The following NTN4 variants were observed in gnomAD, a reference collection of about 807,000 sequenced individuals.
NTN4 encodes netrin-4.
NTN4 carries 32 observed loss-of-function variants against 73.6 expected under a neutral mutation model. The observed-to-expected ratio is 0.44, with a 90% CI of 0.33 to 0.58. NTN4 has a LOEUF of 0.58. Among genes scored for constraint, NTN4 ranks in the 20% least tolerant of loss-of-function variants. NTN4 has a pLI of 0.04. For synonymous variants in NTN4, 258 were observed against 287.5 expected, an observed-to-expected ratio of 0.90 and a Z score of 1.04; for missense variants, 654 against 798.3, an observed-to-expected ratio of 0.82 and a Z score of 2.18.
intron 5 of NTN4, among the ~76,000 whole-genome samples, chr12:95,698,822 A>T (rs1368623734): frequency 6.6e-6 from 1 of 151,968 alleles, no homozygotes; most frequent in Non-Finnish European, 1.5e-5. Flanking sequence ...ATGACACTGC[A>T]CTCCAGCCTG....
intron 3 of NTN4, 121 bp from the exon 4 acceptor site, chr12:95,713,459 G>T: frequency 8.8e-7 from 1 of 1,130,796 alleles, no homozygotes; most frequent in Non-Finnish European, 1.2e-6. Flanking sequence ...TCACTTTCCT[G>T]AAGAAGTTAG....
chr12:95,672,601 TA>T, intron 7 of NTN4: 1 of 1,528,002 alleles, frequency 6.5e-7, no homozygotes, highest in Non-Finnish European at 9.0e-7. Flanking sequence ...CCGATCTCGG[TA>T]AAGCAGAAAC....
chr12:95,723,053 A>G (rs1225351639), intron 3 of NTN4, among the ~76,000 whole-genome samples: 2 of 151,280 alleles, frequency 1.3e-5, no homozygotes, highest in African/African-American at 4.9e-5. Flanking sequence ...GCAAGTGAGC[A>G]GTACAGTTTA....
intron 9 of NTN4, 95 bp downstream of exon 9, chr12:95,665,715 C>A: frequency 1.1e-6 from 1 of 928,076 alleles, no homozygotes; most frequent in Non-Finnish European, 1.6e-6. Flanking sequence ...GATGTTCTTG[C>A]TGAGTTTGTT....
intron 2 of NTN4, among the ~76,000 whole-genome samples, chr12:95,757,072 A>G (rs1203708973): frequency 6.6e-6 from 1 of 152,040 alleles, no homozygotes; most frequent in East Asian, 1.9e-4. Flanking sequence ...AATTGCTTGT[A>G]TTTCTCTCTA....
intron 7 of NTN4, chr12:95,672,943 A>C: frequency 8.9e-7 from 1 of 1,122,468 alleles, no homozygotes; most frequent in Admixed American, 1.7e-5. Flanking sequence ...GCTGACTGGT[A>C]TTCCCATTGT....
At chr12:95,715,993 A>G (rs2078602221) in intron 3 of NTN4, among the ~76,000 whole-genome samples, 1 of 151,972 alleles carries the variant, frequency 6.6e-6, no homozygotes, top group Admixed American at 6.6e-5. Flanking sequence ...ATTTAGTAAG[A>G]TGAAGGCATC....
intron 2 of NTN4, among the ~76,000 whole-genome samples, chr12:95,785,755 G>A (rs1429637484): frequency 6.6e-6 from 1 of 152,130 alleles, no homozygotes; most frequent in African/African-American, 2.4e-5. Flanking sequence ...ACAACTACCT[G>A]GGAAGTCTGA....
chr12:95,667,455 T>A (rs1052808236), intron 8 of NTN4, among the ~76,000 whole-genome samples: 12 of 152,082 alleles, frequency 7.9e-5, no homozygotes, highest in African/African-American at 2.9e-4. Context: ...GCTGGTCTCA[T>A]ACTCTGCGAA....
intron 3 of NTN4, among the ~76,000 whole-genome samples, chr12:95,728,323 T>C (rs1033707914): frequency 6.6e-6 from 1 of 152,188 alleles, no homozygotes; most frequent in African/African-American, 2.4e-5. Context: ...TCCAGCACCA[T>C]ATTGAATAGA....
intron 2 of NTN4, among the ~76,000 whole-genome samples, chr12:95,768,773 A>T (rs772307246): frequency 6.6e-6 from 1 of 152,212 alleles, no homozygotes; most frequent in African/African-American, 2.4e-5. Context: ...ACGCAGAAGA[A>T]AAATAAGAGT....
At chr12:95,705,286 A>G (rs1048266427) in intron 5 of NTN4, among the ~76,000 whole-genome samples, 1 of 152,076 alleles carries the variant, frequency 6.6e-6, no homozygotes, top group Non-Finnish European at 1.5e-5. Flanking sequence ...ATACATGGCT[A>G]TATCTATAAA....
chr12:95,720,535 T>C (rs1195186212), intron 3 of NTN4, among the ~76,000 whole-genome samples: 2 of 152,036 alleles, frequency 1.3e-5, no homozygotes, highest in East Asian at 3.8e-4. Flanking sequence ...AAACGTGTAT[T>C]TTTTTTTCAT....
At chr12:95,790,891 C>A (rs1414418581), upstream of NTN4, 2 of 147,642 alleles carry the variant, frequency 1.4e-5, no homozygotes, top group South Asian at 2.2e-4. This position sits in a 1 kb window ranked among gnomAD's most constrained non-coding sequence, Gnocchi z 6.5. Context: ...CCGGGCGGCG[C>A]AGCCCGCGGG....
chr12:95,724,643 G>A (rs568267995), intron 3 of NTN4, among the ~76,000 whole-genome samples: 1 of 152,224 alleles, frequency 6.6e-6, no homozygotes, highest in South Asian at 2.1e-4. Flanking sequence ...TGATCAACAA[G>A]TATTACAACA....
At chr12:95,751,945 G>A (rs34833652) in intron 2 of NTN4, among the ~76,000 whole-genome samples, 115,610 of 144,920 alleles carry the variant, frequency 0.8, 46,582 homozygotes, top group South Asian at 0.89. Context: ...TTAGGCTGAC[G>A]CTTTAACTAA....
At chr12:95,660,204 A>C (rs1276162829) in intron 9 of NTN4, among the ~76,000 whole-genome samples, 1 of 151,932 alleles carries the variant, frequency 6.6e-6, no homozygotes, top group African/African-American at 2.4e-5. Flanking sequence ...TAGTAGAGAC[A>C]GGGTTTTACC....
At chr12:95,771,675 G>C (rs1292986165) in intron 2 of NTN4, among the ~76,000 whole-genome samples, 1 of 152,022 alleles carries the variant, frequency 6.6e-6, no homozygotes, top group Non-Finnish European at 1.5e-5. Context: ...AGTCAAAAAA[G>C]GATGAAAAGT....
Position 95,659,019 on chromosome 12 carries a change from GTCT to G in NTN4, c.*64_*66del. On this transcript the variant is annotated 3_prime_UTR_variant, in exon 10 of 10. Coordinates refer to ENST00000343702, the MANE Select transcript of NTN4 (RefSeq NM_021229.4). ...AAAAAATTCCAGTTTCCTGTCTGAG[GTCT>G]TCTTGCTCTAAAGTTTGTGTTTTGT... 7 of 1,466,618 alleles carry G rather than the reference GTCT, an allele frequency of 4.8e-6. No individual in the cohort carries two copies. The highest frequency in any genetic ancestry group is 1.4e-5 in the African/African-American group (1 of 70,610). 90.9% of individuals were successfully genotyped at this position (1,466,618 alleles called of 1,614,324 possible). A position where few individuals can be genotyped will look rare whatever the true frequency, so the allele number is the denominator to read the frequency against.
Sources: gnomAD v4.1 joint callset for allele counts (sites outside exome capture counted in the v4.1 genomes callset) on GRCh38, gnomAD v4.1.1 for gene constraint, Gnocchi (gnomAD v3.1) non-coding constraint, MANE v1.5 for transcripts, NCBI Gene and HGNC (gene_info 2026-07-23, HGNC 2026-07-21) for gene names.